The following TECRL variants were observed in gnomAD, a reference collection of about 807,000 sequenced individuals.
TECRL encodes trans-2,3-enoyl-CoA reductase like.
Under a neutral mutation model 52.8 loss-of-function variants are expected in TECRL, and 63 were observed. The observed-to-expected ratio is 1.19, with a 90% confidence interval of 0.97 to 1.47. TECRL has a LOEUF of 1.47. Ranked by LOEUF, TECRL falls within the 40% of genes most tolerant of loss-of-function variation. The pLI, the probability that TECRL is intolerant of heterozygous loss-of-function variation, is 0.00. For missense variants in TECRL, 482 were observed against 429.6 expected (o/e 1.12, Z -1.08); for synonymous variants, 164 against 141.9 (o/e 1.16, Z -1.10).
In TECRL at chr4:64,378,717, A is replaced by T. The variant is rs142200262; in HGVS notation, c.235-3494T>A. On this transcript the variant is annotated intron_variant, in intron 1 of 11. Coordinates refer to ENST00000381210, the MANE Select transcript of TECRL (RefSeq NM_001010874.5). ...TAGAATAGCAAGAATTTTCACTATG[A>T]ATAAAATTGACAGCGCACAGTGAAT... Among the ~76,000 whole-genome samples, 1,102 of 152,192 alleles carry T rather than the reference A, an allele frequency of 7.2e-3. 8 individuals are homozygous for T. Among genetic ancestry groups the T allele is most frequent in the Non-Finnish European group, 0.012 (799 of 67,992 alleles).
chr4:64,338,373 C>A (rs1262743412), intron 2 of TECRL, among the ~76,000 whole-genome samples: 1 of 152,166 alleles, frequency 6.6e-6, no homozygotes, highest in Non-Finnish European at 1.5e-5. Context: ...TAGGCATGGG[C>A]AAAGACTTCA....
At chr4:64,324,310 A>G (rs114126666) in intron 3 of TECRL, among the ~76,000 whole-genome samples, 12 of 152,028 alleles carry the variant, frequency 7.9e-5, no homozygotes, top group Admixed American at 7.9e-4. Flanking sequence ...TTATTTAAAG[A>G]AATGTATACC....
chr4:64,352,050 T>C (rs899340428), intron 2 of TECRL, among the ~76,000 whole-genome samples: 11 of 152,210 alleles, frequency 7.2e-5, no homozygotes, highest in African/African-American at 2.4e-4. Flanking sequence ...TTTCCAATTC[T>C]TAAGTTAAAA....
intron 2 of TECRL, among the ~76,000 whole-genome samples, chr4:64,354,498 A>G (rs1341289391): frequency 6.6e-6 from 1 of 152,076 alleles, no homozygotes; most frequent in Non-Finnish European, 1.5e-5. Context: ...AAAATTGCCC[A>G]AAATAGGAGA....
At chr4:64,364,029 A>T (rs1273295128) in intron 2 of TECRL, among the ~76,000 whole-genome samples, 1 of 152,116 alleles carries the variant, frequency 6.6e-6, no homozygotes, top group African/African-American at 2.4e-5. Flanking sequence ...AATTCTCAAC[A>T]AATTATGAAA....
chr4:64,282,854 T>G (rs1274304406), intron 9 of TECRL, among the ~76,000 whole-genome samples: 2 of 152,084 alleles, frequency 1.3e-5, no homozygotes, highest in African/African-American at 4.8e-5. Context: ...AGTTACTAAT[T>G]TAATACTTAC....
At chr4:64,399,065 T>C (rs1407745446) in intron 1 of TECRL, among the ~76,000 whole-genome samples, 1 of 152,164 alleles carries the variant, frequency 6.6e-6, no homozygotes, top group Non-Finnish European at 1.5e-5. Flanking sequence ...TATTTTGTTG[T>C]TTTAGGCTTG....
intron 5 of TECRL, 49 bp downstream of exon 5, chr4:64,314,594 TGTGTG>T: frequency 6.2e-4 from 1 of 1,602 alleles, no homozygotes; most frequent in South Asian, 0.011. Context: ...GTGTATGGTG[TGTGTG>T]TGTGTGTGTG....
chr4:64,317,938 C>G (rs139792772), intron 4 of TECRL, among the ~76,000 whole-genome samples: 1 of 152,150 alleles, frequency 6.6e-6, no homozygotes, highest in African/African-American at 2.4e-5. Flanking sequence ...AAAACAAAAA[C>G]AGTTGTTCAT....
chr4:64,400,370 G>A (rs1197421193), intron 1 of TECRL, among the ~76,000 whole-genome samples: 2 of 152,118 alleles, frequency 1.3e-5, no homozygotes, highest in Non-Finnish European at 2.9e-5. Context: ...AGGTGGAAAA[G>A]ACTTGCTTTG....
At chr4:64,353,465 A>C (rs550802582) in intron 2 of TECRL, among the ~76,000 whole-genome samples, 1 of 152,308 alleles carries the variant, frequency 6.6e-6, no homozygotes, top group East Asian at 1.9e-4. Flanking sequence ...TACTGATTGC[A>C]GATATAGTAT....
chr4:64,344,061 A>G (rs988896746), intron 2 of TECRL, among the ~76,000 whole-genome samples: 27 of 152,080 alleles, frequency 1.8e-4, no homozygotes, highest in Admixed American at 1.2e-3. Flanking sequence ...AGTGAATCCA[A>G]TGCAAACCAG....
intron 1 of TECRL, 59 bp downstream of exon 1, chr4:64,409,059 T>C (rs1229136908): frequency 1.5e-6 from 2 of 1,360,626 alleles, no homozygotes; most frequent in Admixed American, 4.6e-5. Context: ...ATCAATAATA[T>C]TTGGGGCAGA....
At chr4:64,280,351 C>T (rs1266969099) in intron 11 of TECRL, 152 bp from the exon 12 acceptor site, 1 of 545,286 alleles carries the variant, frequency 1.8e-6, no homozygotes, top group Non-Finnish European at 2.8e-6. Context: ...CATTCCCAAG[C>T]AATAGCCAAT....
At chr4:64,407,776 T>A (rs1427057930) in intron 1 of TECRL, among the ~76,000 whole-genome samples, 1 of 150,794 alleles carries the variant, frequency 6.6e-6, no homozygotes, top group Non-Finnish European at 1.5e-5. Flanking sequence ...AATTTTATTT[T>A]TTTATTTTTC....
chr4:64,303,650 C>T (rs1724149119), intron 7 of TECRL, among the ~76,000 whole-genome samples: 2 of 151,648 alleles, frequency 1.3e-5, no homozygotes, highest in African/African-American at 4.8e-5. Flanking sequence ...ATAAAATGTG[C>T]CAACCATTTA....
intron 8 of TECRL, among the ~76,000 whole-genome samples, chr4:64,290,540 C>T (rs1166028574): frequency 6.6e-6 from 1 of 152,024 alleles, no homozygotes; most frequent in African/African-American, 2.4e-5. Flanking sequence ...TAATATATCC[C>T]AAAAGTTGAG....
At chr4:64,298,338 T>C (rs912086571) in intron 8 of TECRL, among the ~76,000 whole-genome samples, 2 of 151,144 alleles carry the variant, frequency 1.3e-5, no homozygotes, top group African/African-American at 4.8e-5. Context: ...TGGGGCTGTA[T>C]GAAATATACT....
intron 1 of TECRL, among the ~76,000 whole-genome samples, chr4:64,390,178 T>TA (rs1723452532): frequency 1.3e-5 from 2 of 151,918 alleles, no homozygotes; most frequent in Admixed American, 1.3e-4. Flanking sequence ...AAACTTTGCA[T>TA]AAAAAATTGA....
Sources: gnomAD v4.1 joint callset for allele counts (sites outside exome capture counted in the v4.1 genomes callset) on GRCh38, gnomAD v4.1.1 for gene constraint, MANE v1.5 for transcripts, NCBI Gene and HGNC (gene_info 2026-07-23, HGNC 2026-07-21) for gene names.